Variants in DPP6 observed in about 807,000 individuals in gnomAD.
DPP6 encodes dipeptidyl peptidase like 6.
Under a neutral mutation model 122.6 loss-of-function variants are expected in DPP6, and 69 were observed. That is an observed-to-expected ratio of 0.56 (90% confidence interval 0.46 to 0.69). The LOEUF is 0.69. Ranked by LOEUF, DPP6 falls within the 30% of genes least tolerant of loss-of-function variation. The pLI, the probability that DPP6 is intolerant of heterozygous loss-of-function variation, is 0.00. For missense variants in DPP6, 928 were observed against 1,116.9 expected (o/e 0.83, Z 2.41); for synonymous variants, 418 against 433.1 (o/e 0.97, Z 0.43).
intron 2 of DPP6, among the ~76,000 whole-genome samples, chr7:154,448,768 A>G (rs1469345689): frequency 6.6e-6 from 1 of 152,216 alleles, no homozygotes; most frequent in Admixed American, 6.5e-5. Context: ...AAACCCATAC[A>G]TCTATAGTCA....
At chr7:153,969,408 T>A (rs1185014659) in intron 1 of DPP6, among the ~76,000 whole-genome samples, 2 of 147,316 alleles carry the variant, frequency 1.4e-5, no homozygotes, top group Non-Finnish European at 2.9e-5. Flanking sequence ...TGGGATAAAT[T>A]TCTCATCCTA....
At chr7:154,291,852 TTAAACA>T (rs1407578513) in intron 1 of DPP6, among the ~76,000 whole-genome samples, 1 of 152,176 alleles carries the variant, frequency 6.6e-6, no homozygotes, top group African/African-American at 2.4e-5. Context: ...GAATTTCCTA[TTAAACA>T]TAAACACTTC....
intron 1 of DPP6, among the ~76,000 whole-genome samples, chr7:154,082,419 G>A (rs1804083658): frequency 6.6e-6 from 1 of 152,166 alleles, no homozygotes; most frequent in African/African-American, 2.4e-5. Context: ...GGAGAGGATG[G>A]AGAGGAAAGC....
intron 1 of DPP6, among the ~76,000 whole-genome samples, chr7:153,953,699 C>T (rs1400565341): frequency 3.3e-5 from 5 of 152,200 alleles, no homozygotes; most frequent in African/African-American, 9.6e-5. Flanking sequence ...CTTGGCTATA[C>T]TGTTAGTCAG....
At chr7:154,715,039 T>TTTATC (rs1411378610) in intron 7 of DPP6, among the ~76,000 whole-genome samples, 32 of 74,682 alleles carry the variant, frequency 4.3e-4, no homozygotes, top group African/African-American at 1.0e-3. Context: ...TGATAACTAT[T>TTTATC]TTATTTTATT....
chr7:154,318,142 G>A (rs562564417), intron 1 of DPP6, among the ~76,000 whole-genome samples: 138 of 152,248 alleles, frequency 9.1e-4, no homozygotes, highest in African/African-American at 3.1e-3. Context: ...ATAAAATTTT[G>A]TATAAGCTTT....
intron 1 of DPP6, among the ~76,000 whole-genome samples, chr7:154,057,130 A>G (rs553576894): frequency 3.3e-5 from 5 of 152,346 alleles, no homozygotes; most frequent in Admixed American, 2.6e-4. Flanking sequence ...CCCAGTGAAT[A>G]CATGCTGCTG....
intron 1 of DPP6, among the ~76,000 whole-genome samples, chr7:154,424,662 G>T (rs563127810): frequency 2.0e-5 from 3 of 152,174 alleles, no homozygotes; most frequent in African/African-American, 7.2e-5. Context: ...CCCAGTTCAC[G>T]TAACGTAGCC....
chr7:154,645,952 C>T (rs527762575), intron 6 of DPP6, among the ~76,000 whole-genome samples: 53 of 132,956 alleles, frequency 4.0e-4, no homozygotes, highest in Non-Finnish European at 6.6e-4. Flanking sequence ...GGCGTGAACC[C>T]GGGAGGTGGA....
At position 154,772,876 on chromosome 7, in the gene DPP6, A is replaced by G. The variant is rs1189994766; in HGVS notation, c.1070A>G (p.His357Arg). 11 of 1,612,022 alleles carry G rather than the reference A, an allele frequency of 6.8e-6. No homozygotes were observed. Among genetic ancestry groups the G allele is most frequent in the Admixed American group, 1.7e-5 (1 of 59,812 alleles). Residue 357 changes from histidine (H) to arginine (R), a missense_variant, in exon 10 of 26, where the codon CAC becomes CGC. Coordinates refer to ENST00000377770, the MANE Select transcript of DPP6 (RefSeq NM_130797.4). ...AGTGAGAACCCCAGCATTTCCCTAC[A>G]CGTTATTGGCTTAAATGGACCCACC... is the stretch of plus-strand genomic sequence containing the variant. Reference protein sequence around the residue: ...AGSENPSISLHVIGLNGPTHD... With the variant: ...AGSENPSISLRVIGLNGPTHD...
At chr7:153,981,996 T>G (rs1364738581) in intron 1 of DPP6, among the ~76,000 whole-genome samples, 2 of 152,234 alleles carry the variant, frequency 1.3e-5, no homozygotes, top group Non-Finnish European at 2.9e-5. Flanking sequence ...CATTTCAACC[T>G]TGGTGAATCT....
intron 5 of DPP6, among the ~76,000 whole-genome samples, chr7:154,577,793 G>C (rs1186059453): frequency 6.6e-6 from 1 of 152,178 alleles, no homozygotes; most frequent in Admixed American, 6.5e-5. Context: ...GACGTAGCTG[G>C]CCATTATCGT....
At chr7:153,937,001 G>C (rs1013806411) in intron 1 of DPP6, among the ~76,000 whole-genome samples, 19 of 152,168 alleles carry the variant, frequency 1.2e-4, no homozygotes, top group Admixed American at 4.6e-4. Flanking sequence ...CAGAAATCTT[G>C]ATCAACGGAC....
In DPP6 at chr7:154,336,334, G is replaced by A. The variant is rs972526376; in HGVS notation, c.244-109880G>A. Among the ~76,000 whole-genome samples the A allele has an allele frequency of 4.6e-5, 7 of 152,238 alleles. No homozygotes were observed. In the South Asian group the frequency reaches 8.3e-4, roughly 18 times the overall value. ...TCTCAGATACACAGTGGTGGTGCCGGGATGGTATGTGCTCTCCATTCTCCC... is the reference window on the plus strand; with the variant it reads ...TCTCAGATACACAGTGGTGGTGCCGAGATGGTATGTGCTCTCCATTCTCCC... On this transcript the variant is annotated intron_variant, in intron 1 of 25. Coordinates refer to ENST00000377770, the MANE Select transcript of DPP6 (RefSeq NM_130797.4).
At chr7:154,312,169 C>CT (rs1298466724) in intron 1 of DPP6, among the ~76,000 whole-genome samples, 1 of 152,210 alleles carries the variant, frequency 6.6e-6, no homozygotes, top group Admixed American at 6.5e-5. Context: ...TAGAGCTGGT[C>CT]TTGTATCAGG....
chr7:154,504,609 CTTCTT>C (rs1319676033), intron 3 of DPP6, among the ~76,000 whole-genome samples: 1 of 152,134 alleles, frequency 6.6e-6, no homozygotes, highest in Non-Finnish European at 1.5e-5. Flanking sequence ...CTGTCTCATT[CTTCTT>C]TTCTTGTCCA....
intron 1 of DPP6, among the ~76,000 whole-genome samples, chr7:154,273,959 C>T (rs1803966368): frequency 6.6e-6 from 1 of 152,146 alleles, no homozygotes; most frequent in South Asian, 2.1e-4. Context: ...AATGCGTGTC[C>T]CTGCCTGGAC....
chr7:153,860,514 G>T, the DPP6 span, among the ~76,000 whole-genome samples: 1 of 152,100 alleles, frequency 6.6e-6, no homozygotes, highest in Non-Finnish European at 1.5e-5. Context: ...CTTGCCGTTC[G>T]GCCACCCTTC....
At chr7:153,924,825 G>A (rs1800814706) in intron 1 of DPP6, among the ~76,000 whole-genome samples, 1 of 152,196 alleles carries the variant, frequency 6.6e-6, no homozygotes, top group African/African-American at 2.4e-5. Flanking sequence ...AGCAGCCCAA[G>A]TGCTCCGTTG....
Sources: gnomAD v4.1 joint callset for allele counts (sites outside exome capture counted in the v4.1 genomes callset) on GRCh38, gnomAD v4.1.1 for gene constraint, MANE v1.5 for transcripts, NCBI Gene and HGNC (gene_info 2026-07-23, HGNC 2026-07-21) for gene names.